DCDC2C: variants seen among roughly 807,000 people sequenced by gnomAD.
DCDC2C encodes doublecortin domain-containing protein 2C.
In DCDC2C, 44 loss-of-function variants were observed where a neutral mutation model predicts 45.0. That is an observed-to-expected ratio of 0.98 (90% confidence interval 0.77 to 1.26). DCDC2C has a LOEUF of 1.26. Among genes scored for constraint, DCDC2C ranks in the 50% most tolerant of loss-of-function variants. DCDC2C has a pLI of 0.00. For missense variants in DCDC2C, 447 were observed against 468.9 expected (o/e 0.95, Z 0.43); for synonymous variants, 187 against 178.8 (o/e 1.05, Z -0.37).
intron 10 of DCDC2C, among the ~76,000 whole-genome samples, chr2:3,787,978 C>T (rs73146824): frequency 0.011 from 1,678 of 152,234 alleles, 33 homozygotes; most frequent in African/African-American, 0.039. Context: ...AGCTGCCATT[C>T]ACTTTAAAAA....
intron 10 of DCDC2C, among the ~76,000 whole-genome samples, chr2:3,826,868 A>G (rs886332764): frequency 2.0e-5 from 3 of 151,984 alleles, no homozygotes; most frequent in Admixed American, 2.0e-4. Context: ...TGTGCATTGC[A>G]TCTCTGTGGC....
chr2:3,839,863 A>G (rs1194259532), intron 10 of DCDC2C, among the ~76,000 whole-genome samples: 1 of 152,246 alleles, frequency 6.6e-6, no homozygotes, highest in African/African-American at 2.4e-5. Context: ...GCTTATTAGC[A>G]GAAGATATCT....
chr2:3,704,136 C>G (rs1667963750), intron 1 of DCDC2C, 98 bp downstream of exon 1: 1 of 1,088,390 alleles, frequency 9.2e-7, no homozygotes, highest in Non-Finnish European at 1.2e-6. Flanking sequence ...CCTCCCCAGG[C>G]TTCCCTCCCG....
intron 9 of DCDC2C, among the ~76,000 whole-genome samples, chr2:3,784,588 C>T (rs1670599951): frequency 6.6e-6 from 1 of 151,566 alleles, no homozygotes; most frequent in African/African-American, 2.4e-5. Context: ...TAATATATTA[C>T]AATATATTAA....
At chr2:3,777,472 C>T (rs1670375415) in intron 8 of DCDC2C, among the ~76,000 whole-genome samples, 1 of 152,122 alleles carries the variant, frequency 6.6e-6, no homozygotes, top group African/African-American at 2.4e-5. Flanking sequence ...TATATACTTG[C>T]TGAATAAATG....
intron 10 of DCDC2C, among the ~76,000 whole-genome samples, chr2:3,840,037 G>A (rs1672176239): frequency 6.6e-6 from 1 of 152,164 alleles, no homozygotes; most frequent in Non-Finnish European, 1.5e-5. Flanking sequence ...ATGTTCAATG[G>A]GGCAGATCTG....
intron 5 of DCDC2C, among the ~76,000 whole-genome samples, chr2:3,754,229 C>T (rs968472408): frequency 3.3e-5 from 5 of 152,188 alleles, no homozygotes; most frequent in Non-Finnish European, 7.3e-5. Flanking sequence ...TCTGAATTTG[C>T]AGAGAATCCT....
intron 10 of DCDC2C, among the ~76,000 whole-genome samples, chr2:3,823,489 G>A (rs1671742549): frequency 6.6e-6 from 1 of 152,132 alleles, no homozygotes; most frequent in South Asian, 2.1e-4. Flanking sequence ...GTTGGTTTAT[G>A]TTGTTCATGT....
chr2:3,825,601 AGTATG>A (rs1671795786), intron 10 of DCDC2C, among the ~76,000 whole-genome samples: 1 of 152,184 alleles, frequency 6.6e-6, no homozygotes, highest in Non-Finnish European at 1.5e-5. Flanking sequence ...CATGGGGATT[AGTATG>A]AAACGGGTCT....
intron 6 of DCDC2C, among the ~76,000 whole-genome samples, chr2:3,762,041 T>C (rs1558214487): frequency 6.6e-6 from 1 of 152,112 alleles, no homozygotes; most frequent in East Asian, 1.9e-4. Flanking sequence ...AGAGCTCACA[T>C]TGATTTTGGA....
intron 10 of DCDC2C, among the ~76,000 whole-genome samples, chr2:3,816,039 T>C (rs1671551144): frequency 6.6e-6 from 1 of 152,154 alleles, no homozygotes; most frequent in Non-Finnish European, 1.5e-5. Context: ...GTGATGCTTC[T>C]CAGGGCTGCT....
chr2:3,835,587 T>C (rs1672054962), intron 10 of DCDC2C, among the ~76,000 whole-genome samples: 2 of 152,194 alleles, frequency 1.3e-5, no homozygotes, highest in African/African-American at 4.8e-5. Flanking sequence ...TTTTTGAATA[T>C]TTGAGTTTCT....
chr2:3,782,300 T>C (rs1310791357), intron 9 of DCDC2C, among the ~76,000 whole-genome samples: 2 of 152,104 alleles, frequency 1.3e-5, no homozygotes, highest in African/African-American at 2.4e-5. Context: ...GTGGGAGCAA[T>C]CAAAATCAAA....
intron 4 of DCDC2C, among the ~76,000 whole-genome samples, chr2:3,746,649 T>C (rs1669372063): frequency 1.3e-5 from 2 of 152,146 alleles, no homozygotes; most frequent in South Asian, 4.1e-4. Flanking sequence ...CGGGAGGTGA[T>C]AAACAATCAA....
intron 10 of DCDC2C, among the ~76,000 whole-genome samples, chr2:3,805,090 A>G (rs1223174276): frequency 6.6e-6 from 1 of 152,224 alleles, no homozygotes; most frequent in Non-Finnish European, 1.5e-5. Context: ...TCCCTCAGCT[A>G]CAAGAATCAT....
chr2:3,812,339 A>G (rs376994745), intron 10 of DCDC2C, among the ~76,000 whole-genome samples: 3 of 151,106 alleles, frequency 2.0e-5, no homozygotes, highest in African/African-American at 7.3e-5. Flanking sequence ...GAATTTATCA[A>G]TTTCTTCCAT....
Position 3,741,900 on chromosome 2 carries a change from T to G in DCDC2C, c.417-20T>G. On this transcript the variant is annotated intron_variant, in intron 3 of 10. Coordinates refer to ENST00000399143, the MANE Select transcript of DCDC2C (RefSeq NM_001287444.2). ...TCAAACTTAAGGTATTAATGGATGCTTTTCTTTTTATTCTTACAGTGTTTT... is the reference window on the plus strand; with the variant it reads ...TCAAACTTAAGGTATTAATGGATGCGTTTCTTTTTATTCTTACAGTGTTTT... 1.3e-6 allele frequency: 2 copies of G among 1,538,542 alleles called. No homozygotes were observed. Among genetic ancestry groups the G allele is most frequent in the Middle Eastern group, 1.7e-4 (1 of 5,928 alleles).
intron 3 of DCDC2C, among the ~76,000 whole-genome samples, chr2:3,731,522 C>T (rs961008177): frequency 1.3e-5 from 2 of 152,144 alleles, no homozygotes; most frequent in African/African-American, 4.8e-5. Flanking sequence ...GGGAGTAGAT[C>T]CCAAAGGGAG....
chr2:3,830,122 G>A (rs777429985), intron 10 of DCDC2C, among the ~76,000 whole-genome samples: 3 of 152,198 alleles, frequency 2.0e-5, no homozygotes, highest in Non-Finnish European at 4.4e-5. Flanking sequence ...AGGATAAGGA[G>A]AGCTGACAGA....
Sources: allele counts gnomAD v4.1 joint callset (sites outside exome capture counted in the v4.1 genomes callset), GRCh38; gene constraint gnomAD v4.1.1; transcripts MANE v1.5; gene names NCBI Gene and HGNC (gene_info 2026-07-23, HGNC 2026-07-21).